CCDC60: variants seen among roughly 807,000 people sequenced by gnomAD.
The protein encoded by CCDC60 is coiled-coil domain-containing protein 60.
In CCDC60, 54 loss-of-function variants were observed where a neutral mutation model predicts 63.5. The observed-to-expected ratio is 0.85, with a 90% CI of 0.68 to 1.07. The LOEUF is 1.07. Ranked by LOEUF, CCDC60 falls within the 50% of genes least tolerant of loss-of-function variation. The pLI, the probability that CCDC60 is intolerant of heterozygous loss-of-function variation, is 0.00. For missense variants in CCDC60, 651 were observed against 684.3 expected (o/e 0.95, Z 0.54); for synonymous variants, 206 against 238.8 (o/e 0.86, Z 1.27).
intron 2 of CCDC60, among the ~76,000 whole-genome samples, chr12:119,453,215 T>TCTTCCTGTGAAA (rs1950666343): frequency 3.3e-5 from 5 of 152,216 alleles, no homozygotes; most frequent in Admixed American, 3.3e-4. Context: ...ATCAGCACTG[T>TCTTCCTGTGAAA]CTTCCTGTGA....
chr12:119,418,386 C>CTTTTTTTTTTTTTTTTT lies in CCDC60; in HGVS notation c.91-10267_91-10251dup, dbSNP rs556783132. Among the ~76,000 whole-genome samples the CTTTTTTTTTTTTTTTTT allele has an allele frequency of 1.5e-4, 10 of 65,762 alleles. 1 individual carries two copies. The highest frequency in any genetic ancestry group is 2.7e-4 in the Non-Finnish European group (10 of 37,256). The allele number at this position is 65,762 out of a possible 152,430, so 43.1% of individuals were successfully genotyped here. A position where few individuals can be genotyped will look rare whatever the true frequency, so the allele number is the denominator to read the frequency against. On this transcript the variant is annotated intron_variant, in intron 1 of 13. Transcript: ENST00000327554. ...TCTTTCTTTTTCCTTTTCTTTCTTT[C>CTTTTTTTTTTTTTTTTT]TTTTTTTTTTTTTTTTTTTTTTTTT...
intron 1 of CCDC60, among the ~76,000 whole-genome samples, chr12:119,361,167 GGGGAGAGGGAGA>G (rs534552140): frequency 4.3e-5 from 6 of 140,348 alleles, no homozygotes; most frequent in Admixed American, 1.5e-4. Flanking sequence ...GGGAGACCAT[GGGGAGAGGGAGA>G]GGGAGAGGGA....
chr12:119,447,246 A>G (rs1950559086), intron 2 of CCDC60, among the ~76,000 whole-genome samples: 1 of 152,168 alleles, frequency 6.6e-6, no homozygotes, highest in African/African-American at 2.4e-5. Context: ...GCAAGACTCA[A>G]GTTGTAAACT....
intron 1 of CCDC60, among the ~76,000 whole-genome samples, chr12:119,361,221 GCTCAA>G (rs1005983263): frequency 2.6e-5 from 4 of 150,992 alleles, no homozygotes; most frequent in African/African-American, 9.7e-5. Flanking sequence ...GAGAGGGAGA[GCTCAA>G]GTCTATCACA....
intron 4 of CCDC60, among the ~76,000 whole-genome samples, chr12:119,482,757 G>T (rs1951355318): frequency 6.6e-6 from 1 of 152,084 alleles, no homozygotes. Flanking sequence ...GGTTCTGCTG[G>T]TCAGGTTGGC....
rs34712445 is a variant in CCDC60 at position 119,436,541 on chromosome 12, CT to C, written c.170+7793del. On this transcript the variant is annotated intron_variant, in intron 2 of 13. Coordinates refer to ENST00000327554, the MANE Select transcript of CCDC60 (RefSeq NM_178499.5). ...CGAGTCCCCTTGAGTGATGCCAATA[CT>C]TTTTTTTTTTTTTGAGACAGAGTTT... 7.0e-4 allele frequency among the ~76,000 whole-genome samples: 101 copies of C among 143,966 alleles called. 1 individual carries two copies. The highest frequency in any genetic ancestry group is 8.3e-4 in the East Asian group (4 of 4,828). The allele number at this position is 143,966 out of a possible 152,430, so 94.4% of individuals were successfully genotyped here. A position where few individuals can be genotyped will look rare whatever the true frequency, so the allele number is the denominator to read the frequency against.
chr12:119,365,280 T>C (rs1955829763), intron 1 of CCDC60, among the ~76,000 whole-genome samples: 1 of 152,132 alleles, frequency 6.6e-6, no homozygotes, highest in Admixed American at 6.5e-5. Flanking sequence ...AAGGGACAGA[T>C]TCAAGAAGGA....
At chr12:119,392,239 C>G (rs1385398453) in intron 1 of CCDC60, among the ~76,000 whole-genome samples, 5 of 152,180 alleles carry the variant, frequency 3.3e-5, no homozygotes, top group Non-Finnish European at 7.3e-5. Context: ...AATCCACCCT[C>G]TGCAGCCCAG....
intron 1 of CCDC60, among the ~76,000 whole-genome samples, chr12:119,380,304 C>G (rs1955995015): frequency 1.3e-5 from 2 of 152,182 alleles, no homozygotes; most frequent in Non-Finnish European, 2.9e-5. Flanking sequence ...ATTTGGTGAT[C>G]TCATATTGGT....
At chr12:119,536,445 G>C (rs973394464) in intron 13 of CCDC60, among the ~76,000 whole-genome samples, 1 of 152,170 alleles carries the variant, frequency 6.6e-6, no homozygotes, top group African/African-American at 2.4e-5. Context: ...GTGTGAATTT[G>C]ATCCCGTCAT....
At chr12:119,383,762 C>A (rs902616645) in intron 1 of CCDC60, among the ~76,000 whole-genome samples, 1 of 152,162 alleles carries the variant, frequency 6.6e-6, no homozygotes, top group Non-Finnish European at 1.5e-5. Context: ...ACCACAGATA[C>A]CTGAATAAAA....
chr12:119,374,221 A>T (rs1049537236), intron 1 of CCDC60, among the ~76,000 whole-genome samples: 1 of 152,204 alleles, frequency 6.6e-6, no homozygotes, highest in Non-Finnish European at 1.5e-5. Flanking sequence ...TCGTCCTTAG[A>T]TGGATAATAA....
At chr12:119,387,034 T>TCTCA (rs543330015) in intron 1 of CCDC60, among the ~76,000 whole-genome samples, 7,393 of 105,310 alleles carry the variant, frequency 0.07, 401 homozygotes, top group East Asian at 0.25. Context: ...TCTGTCTCTC[T>TCTCA]CACACACACA....
chr12:119,497,930 A>G (rs148469660), intron 5 of CCDC60, among the ~76,000 whole-genome samples: 8 of 152,294 alleles, frequency 5.3e-5, no homozygotes, highest in African/African-American at 1.7e-4. Context: ...AATGAGCTTC[A>G]CTGTTAATTA....
At chr12:119,400,355 G>C (rs919643258) in intron 1 of CCDC60, among the ~76,000 whole-genome samples, 3 of 152,220 alleles carry the variant, frequency 2.0e-5, no homozygotes, top group African/African-American at 7.2e-5. Flanking sequence ...GGCCCGGTTG[G>C]TTTCCATAGG....
chr12:119,485,441 G>C (rs1951414557), intron 4 of CCDC60, among the ~76,000 whole-genome samples: 1 of 152,200 alleles, frequency 6.6e-6, no homozygotes, highest in Non-Finnish European at 1.5e-5. Flanking sequence ...TACTAGACTG[G>C]GTGGCTTAAA....
chr12:119,447,900 G>A (rs557873845), intron 2 of CCDC60: 2 of 151,298 alleles, frequency 1.3e-5, no homozygotes, highest in African/African-American at 4.8e-5. Flanking sequence ...GTGAAACTCT[G>A]TCTCAAAAGA....
At chr12:119,360,508 G>T (rs1015005825) in intron 1 of CCDC60, among the ~76,000 whole-genome samples, 14 of 149,384 alleles carry the variant, frequency 9.4e-5, no homozygotes, top group Non-Finnish European at 2.1e-4. Flanking sequence ...GGCGGCTGCC[G>T]GGCGGAGGGT....
At chr12:119,337,555 T>A (rs1290137285) in intron 1 of CCDC60, among the ~76,000 whole-genome samples, 1 of 152,222 alleles carries the variant, frequency 6.6e-6, no homozygotes, top group Non-Finnish European at 1.5e-5. Flanking sequence ...GTAAGCACAC[T>A]TTAGGTTTTA....
Sources: allele counts gnomAD v4.1 joint callset (sites outside exome capture counted in the v4.1 genomes callset), GRCh38; gene constraint gnomAD v4.1.1; transcripts MANE v1.5; gene names NCBI Gene and HGNC (gene_info 2026-07-23, HGNC 2026-07-21).